The following CDH13 variants were observed in gnomAD, a reference collection of about 807,000 sequenced individuals.
CDH13 encodes cadherin-13.
Under a neutral mutation model 63.8 loss-of-function variants are expected in CDH13, and 24 were observed. The ratio of observed to expected loss-of-function variants is 0.38; its 90% confidence interval spans 0.27 to 0.53. The LOEUF (loss-of-function observed/expected upper bound fraction) is 0.53, where lower values mean the gene tolerates loss of function less well. CDH13 is among the 20% of genes least tolerant of loss of function. CDH13 has a pLI of 0.85. For synonymous variants in CDH13, 503 were observed against 355.3 expected (o/e 1.42, Z -4.67); for missense variants, 1,049 against 903.1 (o/e 1.16, Z -2.07).
At chr16:83,123,270 A>G (rs540893077) in intron 3 of CDH13, among the ~76,000 whole-genome samples, 2 of 151,622 alleles carry the variant, frequency 1.3e-5, no homozygotes, top group Non-Finnish European at 2.9e-5. Flanking sequence ...ATATATATAT[A>G]TCCCACATTT....
intron 1 of CDH13, among the ~76,000 whole-genome samples, chr16:82,768,949 A>T (rs2035162542): frequency 6.6e-6 from 1 of 152,220 alleles, no homozygotes; most frequent in Middle Eastern, 3.2e-3. Flanking sequence ...AGGGCTGGGC[A>T]CAAATGTTCA....
At chr16:82,654,894 C>T (rs1357006945) in intron 1 of CDH13, among the ~76,000 whole-genome samples, 2 of 152,160 alleles carry the variant, frequency 1.3e-5, no homozygotes, top group African/African-American at 2.4e-5. Context: ...CCCAACACTA[C>T]TGAGGTAGAT....
At chr16:83,696,207 C>T (rs999524040) in intron 10 of CDH13, among the ~76,000 whole-genome samples, 1 of 152,244 alleles carries the variant, frequency 6.6e-6, no homozygotes, top group South Asian at 2.1e-4. Flanking sequence ...AACTTCTCAA[C>T]AGGGAAACAT....
intron 1 of CDH13, among the ~76,000 whole-genome samples, chr16:82,838,957 C>G (rs755826833): frequency 1.3e-5 from 2 of 152,230 alleles, no homozygotes; most frequent in Non-Finnish European, 2.9e-5. Flanking sequence ...GCCATCCAGT[C>G]TCTGGGCAGC....
At chr16:82,965,132 C>G (rs1230652937) in intron 2 of CDH13, among the ~76,000 whole-genome samples, 2 of 152,238 alleles carry the variant, frequency 1.3e-5, no homozygotes. Context: ...ACTGTTGTCT[C>G]ACATTCCCTC....
At chr16:83,511,260 T>G (rs111908550) in intron 7 of CDH13, among the ~76,000 whole-genome samples, 1 of 152,124 alleles carries the variant, frequency 6.6e-6, no homozygotes, top group African/African-American at 2.4e-5. Context: ...TCAGGAGTTT[T>G]AGACCAGCCT....
chr16:83,000,223 ATTTTTTTTTTTTTTTTTT>A (rs746904500), intron 2 of CDH13, among the ~76,000 whole-genome samples: 31 of 37,032 alleles, frequency 8.4e-4, no homozygotes, highest in East Asian at 7.0e-3. Flanking sequence ...GGTTTAGCTT[ATTTTTTTTTTTTTTTTTT>A]TTTTTTTTTT....
At chr16:83,363,227 G>C (rs1251537386) in intron 6 of CDH13, among the ~76,000 whole-genome samples, 1 of 152,214 alleles carries the variant, frequency 6.6e-6, no homozygotes, top group Non-Finnish European at 1.5e-5. Flanking sequence ...TAGAAGCTGG[G>C]AGATGGGTGG....
chr16:83,489,349 G>C (rs2073959897), intron 7 of CDH13, among the ~76,000 whole-genome samples: 1 of 152,232 alleles, frequency 6.6e-6, no homozygotes, highest in South Asian at 2.1e-4. Flanking sequence ...CCCCAAAAAA[G>C]ATCAACTCAA....
intron 5 of CDH13, among the ~76,000 whole-genome samples, chr16:83,335,012 T>C (rs1179395954): frequency 6.6e-6 from 1 of 152,214 alleles, no homozygotes; most frequent in African/African-American, 2.4e-5. Context: ...GGATTAATGT[T>C]ATCATTTCCT....
At chr16:83,275,408 T>C (rs967254304) in intron 5 of CDH13, among the ~76,000 whole-genome samples, 3 of 152,220 alleles carry the variant, frequency 2.0e-5, no homozygotes, top group Admixed American at 6.5e-5. Flanking sequence ...ATCAGATTAA[T>C]TGAATTCAGA....
At chr16:83,613,304 A>C (rs1909013043) in intron 8 of CDH13, among the ~76,000 whole-genome samples, 1 of 152,128 alleles carries the variant, frequency 6.6e-6, no homozygotes, top group South Asian at 2.1e-4. Context: ...TTGTTCCTTA[A>C]ATATCTCAAT....
chr16:83,431,287 C>T (rs117707434), intron 6 of CDH13, among the ~76,000 whole-genome samples: 1 of 151,772 alleles, frequency 6.6e-6, no homozygotes, highest in Non-Finnish European at 1.5e-5. Flanking sequence ...TACGTACACA[C>T]CAGTTCTTAT....
intron 1 of CDH13, among the ~76,000 whole-genome samples, chr16:82,771,432 A>G (rs1191727252): frequency 1.3e-5 from 2 of 152,214 alleles, no homozygotes; most frequent in Non-Finnish European, 2.9e-5. Context: ...GGGTCTAGGT[A>G]GAGGCTGCTT....
At chr16:82,859,772 G>T (rs1046448705) in intron 2 of CDH13, 3 of 151,514 alleles carry the variant, frequency 2.0e-5, no homozygotes, top group African/African-American at 4.9e-5. Flanking sequence ...GGATTATTCT[G>T]TGAGGCTGGG....
At chr16:83,218,562 A>C (rs2039606206) in intron 5 of CDH13, among the ~76,000 whole-genome samples, 1 of 152,178 alleles carries the variant, frequency 6.6e-6, no homozygotes, top group Non-Finnish European at 1.5e-5. Flanking sequence ...CCTGGCAGCT[A>C]TTGGGGTCCA....
chr16:83,374,026 A>G (rs189328540), intron 6 of CDH13, among the ~76,000 whole-genome samples: 2 of 152,188 alleles, frequency 1.3e-5, no homozygotes, highest in South Asian at 2.1e-4. Context: ...GCCAGCCTCT[A>G]AGGACAGAGG....
At chr16:82,872,130 C>T (rs547474734) in intron 2 of CDH13, among the ~76,000 whole-genome samples, 44 of 152,258 alleles carry the variant, frequency 2.9e-4, no homozygotes, top group Non-Finnish European at 5.1e-4. Flanking sequence ...TGCTAAGGTC[C>T]CATTAAGTAC....
chr16:82,637,366 T>C (rs1010592084), intron 1 of CDH13, among the ~76,000 whole-genome samples: 9 of 150,168 alleles, frequency 6.0e-5, no homozygotes. Flanking sequence ...GTGAGTGCTG[T>C]ATGCCAGGCA....
Sources: allele counts gnomAD v4.1 joint callset (sites outside exome capture counted in the v4.1 genomes callset), GRCh38; gene constraint gnomAD v4.1.1; transcripts MANE v1.5; gene names NCBI Gene and HGNC (gene_info 2026-07-23, HGNC 2026-07-21).